Variants in RNF130 observed in about 807,000 individuals in gnomAD.
RNF130 encodes ring finger protein 130.
In RNF130, 21 loss-of-function variants were observed where a neutral mutation model predicts 44.6. The observed-to-expected ratio is 0.47, with a 90% CI of 0.33 to 0.68. The LOEUF is 0.68. Among genes scored for constraint, RNF130 ranks in the 30% least tolerant of loss-of-function variants. RNF130 has a pLI of 0.02. For synonymous variants in RNF130, 214 were observed against 210.4 expected, an observed-to-expected ratio of 1.02 and a Z score of -0.15; for missense variants, 479 against 560.6, an observed-to-expected ratio of 0.85 and a Z score of 1.47.
chr5:180,035,971 A>C (rs557288684), intron 2 of RNF130, among the ~76,000 whole-genome samples: 24 of 152,166 alleles, frequency 1.6e-4, no homozygotes, highest in African/African-American at 4.3e-4. Flanking sequence ...GGACATATTT[A>C]TATTAATTGC....
intron 1 of RNF130, among the ~76,000 whole-genome samples, chr5:180,056,018 AG>A (rs1361345117): frequency 2.0e-4 from 31 of 152,202 alleles, no homozygotes; most frequent in Middle Eastern, 3.4e-3. Flanking sequence ...CGGGAGGCAG[AG>A]GTTGCAGTGA....
At chr5:179,967,070 C>T (rs1488944899) in intron 6 of RNF130, 60 bp from the exon 7 acceptor site, 7 of 1,476,900 alleles carry the variant, frequency 4.7e-6, no homozygotes, top group South Asian at 4.7e-5. Context: ...TCATAAGATT[C>T]TAAAAAAGAT....
At chr5:179,994,227 G>GT (rs536949198) in intron 3 of RNF130, among the ~76,000 whole-genome samples, 63 of 152,238 alleles carry the variant, frequency 4.1e-4, no homozygotes, top group Middle Eastern at 3.4e-3. Context: ...CTTTAAAGTA[G>GT]TTTTTTTCCA....
At chr5:180,006,911 T>TG (rs1178855801) in intron 3 of RNF130, among the ~76,000 whole-genome samples, 5 of 152,208 alleles carry the variant, frequency 3.3e-5, no homozygotes, top group Non-Finnish European at 5.9e-5. Context: ...TAGATAGTAA[T>TG]TAGATACATT....
intron 3 of RNF130, among the ~76,000 whole-genome samples, chr5:180,005,488 T>C (rs1763446175): frequency 6.6e-6 from 1 of 152,170 alleles, no homozygotes; most frequent in African/African-American, 2.4e-5. Context: ...AAAGCCTAAC[T>C]TTCTTATGTG....
At chr5:180,012,141 T>C (rs1763608594) in intron 3 of RNF130, among the ~76,000 whole-genome samples, 1 of 152,136 alleles carries the variant, frequency 6.6e-6, no homozygotes, top group Non-Finnish European at 1.5e-5. Flanking sequence ...GGGGTCATGG[T>C]GAACTGGTGG....
chr5:179,916,113 T>C (rs1440560360), exon 8 of RNF130: 1 of 152,210 alleles, frequency 6.6e-6, no homozygotes, highest in Non-Finnish European at 1.5e-5. Flanking sequence ...GGAGCCACAC[T>C]GTCACTTGCC....
rs62404970 is a variant in RNF130, at chr5:179,977,114, C to T, written c.848+1089G>A. ...ACAGCTCTGCCATTTCTGAATTGTGCGACCCTGGAACCTGCTATCGGCTCA... is the reference window on the plus strand; with the variant it reads ...ACAGCTCTGCCATTTCTGAATTGTGTGACCCTGGAACCTGCTATCGGCTCA... On this transcript the variant is annotated intron_variant, in intron 5 of 8. Transcript: ENST00000521389. The surrounding 1 kb of genome is among the most constrained non-coding windows in gnomAD (Gnocchi z 4.1). 0.2 allele frequency: 30,564 copies of T among 152,056 alleles called. 3,292 individuals carry two copies. Among genetic ancestry groups the T allele is most frequent in the Middle Eastern group, 0.24 (72 of 294 alleles). 9.4% of individuals were successfully genotyped at this position (152,056 alleles called of 1,614,324 possible). A position where few individuals can be genotyped will look rare whatever the true frequency, so the allele number is the denominator to read the frequency against.
At chr5:179,968,780 A>G (rs1277228511) in intron 6 of RNF130, among the ~76,000 whole-genome samples, 1 of 152,068 alleles carries the variant, frequency 6.6e-6, no homozygotes, top group East Asian at 1.9e-4. Context: ...CCTGGGGGAC[A>G]TCTGGCAACG....
chr5:179,971,489 C>T (rs1446025016), intron 5 of RNF130, among the ~76,000 whole-genome samples: 1 of 152,214 alleles, frequency 6.6e-6, no homozygotes, highest in East Asian at 1.9e-4. Flanking sequence ...CCTGCCTTAG[C>T]CTCACAAGCA....
At chr5:180,046,040 G>C (rs1234018541) in intron 1 of RNF130, among the ~76,000 whole-genome samples, 1 of 152,196 alleles carries the variant, frequency 6.6e-6, no homozygotes, top group African/African-American at 2.4e-5. Context: ...TGGCGTGGAC[G>C]GAGGGGGGTG....
intron 7 of RNF130, among the ~76,000 whole-genome samples, chr5:179,946,497 T>C (rs553060414): frequency 1.3e-5 from 2 of 151,946 alleles, no homozygotes; most frequent in South Asian, 2.1e-4. Flanking sequence ...TTTCTACAAA[T>C]GTACTAGCGT....
intron 7 of RNF130, among the ~76,000 whole-genome samples, chr5:179,965,713 A>G (rs1762426746): frequency 6.6e-6 from 1 of 152,210 alleles, no homozygotes; most frequent in Non-Finnish European, 1.5e-5. Flanking sequence ...AAATGAGCCA[A>G]ACTACACTCA....
intron 2 of RNF130, among the ~76,000 whole-genome samples, chr5:180,019,116 G>C (rs1484749511): frequency 6.6e-6 from 1 of 152,206 alleles, no homozygotes; most frequent in Non-Finnish European, 1.5e-5. Flanking sequence ...CGGGCGGGGT[G>C]GCTCACGCCT....
intron 1 of RNF130, among the ~76,000 whole-genome samples, chr5:180,041,654 G>A (rs56015351): frequency 4.0e-4 from 61 of 152,310 alleles, no homozygotes; most frequent in South Asian, 6.2e-4. Flanking sequence ...GACTGCTGGC[G>A]CACAGTGGCA....
At position 179,977,684 on chromosome 5, in the gene RNF130, T is replaced by C. The variant is rs1028868046; in HGVS notation, c.848+519A>G. On this transcript the variant is annotated intron_variant, in intron 5 of 8. Transcript: ENST00000521389. The surrounding 1 kb of genome is among the most constrained non-coding windows in gnomAD (Gnocchi z 4.1). ...CTGGCCAACATGATGAAACCCCGTC[T>C]CTACTAAAAATACAAAAATTATCTG... Among the ~76,000 whole-genome samples the C allele has an allele frequency of 2.6e-5, 4 of 152,062 alleles. No homozygotes were observed. The highest frequency in any genetic ancestry group is 4.4e-5 in the Non-Finnish European group (3 of 68,006).
rs1205781104 is a variant in RNF130 at position 179,963,500 on chromosome 5, G to C, written c.1215C>G (p.Ile405Met). 6.2e-7 allele frequency: 1 copy of C among 1,614,020 alleles called. No individual in the cohort carries two copies. Among genetic ancestry groups the C allele is most frequent in the Non-Finnish European group, 8.5e-7 (1 of 1,179,900 alleles). Residue 405 changes from isoleucine to methionine, a missense_variant, in exon 8 of 9, where the codon ATC becomes ATG. Coordinates refer to ENST00000521389, the MANE Select transcript of RNF130 (RefSeq NM_018434.6). ...TAGCATTCAAGCTAGCTGTGGCTCT[G>C]ATGATCATGTAGCAGAGTGTGAGGG... ...LSALTLCYMI[I>M]RATASLNANE...
chr5:179,944,799 C>T (rs915099974), intron 7 of RNF130, among the ~76,000 whole-genome samples: 1 of 152,006 alleles, frequency 6.6e-6, no homozygotes, highest in Non-Finnish European at 1.5e-5. Flanking sequence ...ACAGGGGTAA[C>T]GTGTCTGGCT....
intron 3 of RNF130, among the ~76,000 whole-genome samples, chr5:179,986,805 T>G (rs1244093767): frequency 7.2e-5 from 11 of 152,246 alleles, no homozygotes. Context: ...ATTTTATACA[T>G]GATGACATAT....
Sources: allele counts gnomAD v4.1 joint callset (sites outside exome capture counted in the v4.1 genomes callset), GRCh38; gene constraint gnomAD v4.1.1; non-coding constraint Gnocchi (gnomAD v3.1); transcripts MANE v1.5; gene names NCBI Gene and HGNC (gene_info 2026-07-23, HGNC 2026-07-21).